The following NFATC2 variants were observed in gnomAD, a reference collection of about 807,000 sequenced individuals.
NFATC2 encodes the protein nuclear factor of activated T cells 2.
In NFATC2, 22 loss-of-function variants were observed where a neutral mutation model predicts 87.3. That is an observed-to-expected ratio of 0.25 (90% CI 0.18 to 0.36). The LOEUF (loss-of-function observed/expected upper bound fraction) is 0.36. Ranked by LOEUF, NFATC2 falls within the 10% of genes least tolerant of loss-of-function variation. The pLI is 1.00. For missense variants in NFATC2, 1,149 were observed against 1,259.1 expected, an observed-to-expected ratio of 0.91 and a Z score of 1.32; for synonymous variants, 565 against 542.2, an observed-to-expected ratio of 1.04 and a Z score of -0.58.
At chr20:51,466,037 C>A (rs1987649446) in intron 5 of NFATC2, among the ~76,000 whole-genome samples, 2 of 152,222 alleles carry the variant, frequency 1.3e-5, no homozygotes, top group South Asian at 4.2e-4. Context: ...AGTCAACATG[C>A]CATTCAGGCC....
intron 5 of NFATC2, among the ~76,000 whole-genome samples, chr20:51,456,851 T>A (rs1986588330): frequency 6.6e-6 from 1 of 152,190 alleles, no homozygotes; most frequent in Non-Finnish European, 1.5e-5. Flanking sequence ...CTGGGGCCAC[T>A]CAATGGAGCA....
At chr20:51,407,613 T>TTGCTCATGCTGCACTCC (rs1978533854) in intron 9 of NFATC2, among the ~76,000 whole-genome samples, 1 of 152,186 alleles carries the variant, frequency 6.6e-6, no homozygotes, top group Non-Finnish European at 1.5e-5. Flanking sequence ...CTCTGAGCTC[T>TTGCTCATGCTGCACTCC]TGCTCATGCT....
At position 51,398,682 on chromosome 20, in the gene NFATC2, CTGTTTCATAA is replaced by C; in HGVS notation, c.2761_*4del. ...TCTCGGATCAAAGATCACAGTCATT[CTGTTTCATAA>C]TATGTTTTGTATCCAGCTAAGGTGT... On this transcript the variant is annotated stop_retained_variant and 3_prime_UTR_variant, in exon 10 of 11. Transcript: ENST00000371564. 1 of 1,612,612 alleles carries C rather than the reference CTGTTTCATAA, an allele frequency of 6.2e-7. No homozygotes were observed.
chr20:51,391,530 T>C (rs576163327), intron 10 of NFATC2, 79 bp from the exon 11 acceptor site: 2 of 1,415,678 alleles, frequency 1.4e-6, no homozygotes, highest in East Asian at 2.3e-5. Context: ...CAGGTTCACT[T>C]TCTAGAACCT....
At chr20:51,418,481 T>C (rs776977861) in intron 9 of NFATC2, among the ~76,000 whole-genome samples, 7 of 152,134 alleles carry the variant, frequency 4.6e-5, no homozygotes, top group Non-Finnish European at 7.3e-5. Context: ...GCCCGAAATG[T>C]CAGTAGTGCT....
chr20:51,526,983 C>A (rs2076555492), intron 1 of NFATC2, among the ~76,000 whole-genome samples: 1 of 152,132 alleles, frequency 6.6e-6, no homozygotes, highest in Non-Finnish European at 1.5e-5. Flanking sequence ...ACTGCAGCCT[C>A]CACCTCCCAG....
intron 5 of NFATC2, among the ~76,000 whole-genome samples, chr20:51,469,429 C>T (rs1055393919): frequency 6.6e-6 from 1 of 152,018 alleles, no homozygotes; most frequent in Admixed American, 6.6e-5. Context: ...GAGAAAGATC[C>T]CAATGCATTT....
chr20:51,540,618 G>A (rs2076791535), intron 1 of NFATC2, among the ~76,000 whole-genome samples: 1 of 130,028 alleles, frequency 7.7e-6, no homozygotes, highest in Non-Finnish European at 1.6e-5. Context: ...CAACTTTTCT[G>A]TAAATCTGAA....
At chr20:51,448,187 G>A (rs1226574999) in intron 6 of NFATC2, among the ~76,000 whole-genome samples, 5 of 152,164 alleles carry the variant, frequency 3.3e-5, no homozygotes, top group South Asian at 2.1e-4. Context: ...TTTCAACAGC[G>A]CTAAGTGCCC....
At chr20:51,492,146 G>A (rs935827213) in intron 3 of NFATC2, among the ~76,000 whole-genome samples, 4 of 151,780 alleles carry the variant, frequency 2.6e-5, no homozygotes, top group African/African-American at 4.8e-5. Context: ...GAGCCTTCTC[G>A]CCCCAGCAGG....
intron 9 of NFATC2, 137 bp downstream of exon 9, chr20:51,431,930 T>G: frequency 1.1e-6 from 1 of 928,036 alleles, no homozygotes; most frequent in Non-Finnish European, 1.5e-6. Flanking sequence ...GTCATATTAT[T>G]CAACCTCCTT....
chr20:51,421,733 G>A (rs561912785), intron 9 of NFATC2, among the ~76,000 whole-genome samples: 6 of 152,174 alleles, frequency 3.9e-5, no homozygotes, highest in South Asian at 2.1e-4. Context: ...TGCAATCCCC[G>A]GTTTTTCAAC....
Position 51,388,239 on chromosome 20 carries a change from A to G in NFATC2, c.*3257T>C, listed in dbSNP as rs1232681781. 2 of 152,216 alleles carry G rather than the reference A, an allele frequency of 1.3e-5. No homozygotes were observed. The highest frequency in any genetic ancestry group is 2.9e-5 in the Non-Finnish European group (2 of 68,040). 9.4% of individuals were successfully genotyped at this position (152,216 alleles called of 1,614,324 possible). A position where few individuals can be genotyped will look rare whatever the true frequency, so the allele number is the denominator to read the frequency against. On this transcript the variant is annotated 3_prime_UTR_variant, in exon 11 of 11. Transcript: ENST00000371564. Reference sequence around the variant, plus strand: ...AGGGTTTTGGTGTCAATTTTTTAAAATCAAAATCACCTACTAAATTAGTTA... The same window carrying G: ...AGGGTTTTGGTGTCAATTTTTTAAAGTCAAAATCACCTACTAAATTAGTTA...
At position 51,508,409 on chromosome 20, in the gene NFATC2, C is replaced by T. The variant is rs1012177995; in HGVS notation, c.1332+8375G>A. ...ATCCCTCAGCCGGGGACACGTGCGG[C>T]GGGGCAGAGAGCAGTGCCACAACTG... On this transcript the variant is annotated intron_variant, in intron 3 of 10. Transcript: ENST00000371564. Among the ~76,000 whole-genome samples, 5 of 152,276 alleles carry T rather than the reference C, an allele frequency of 3.3e-5. No homozygotes were observed. In the East Asian group the frequency reaches 5.8e-4, roughly 18 times the overall value.
chr20:51,508,380 G>A lies in NFATC2; in HGVS notation c.1332+8404C>T, dbSNP rs568657543. On this transcript the variant is annotated intron_variant, in intron 3 of 10. Transcript: ENST00000371564. ...TCACAAGTCCATCCTCGACCACTGC[G>A]GGCATCCCTCAGCCGGGGACACGTG... 5.9e-5 allele frequency among the ~76,000 whole-genome samples: 9 copies of A among 152,254 alleles called. No individual in the cohort carries two copies. The South Asian group carries it at 6.2e-4, about 11-fold the overall frequency.
chr20:51,418,077 G>C (rs938779030), intron 9 of NFATC2, among the ~76,000 whole-genome samples: 3 of 152,178 alleles, frequency 2.0e-5, no homozygotes, highest in African/African-American at 7.2e-5. Context: ...TGACCCTGGG[G>C]CCCCTGTCCT....
At chr20:51,429,959 C>T (rs1982446397) in intron 9 of NFATC2, among the ~76,000 whole-genome samples, 1 of 152,036 alleles carries the variant, frequency 6.6e-6, no homozygotes, top group Non-Finnish European at 1.5e-5. Flanking sequence ...TGAGAAAGGG[C>T]CTCAGGAGGC....
intron 1 of NFATC2, among the ~76,000 whole-genome samples, chr20:51,536,746 A>T (rs2076726667): frequency 1.3e-5 from 2 of 152,084 alleles, no homozygotes; most frequent in Non-Finnish European, 2.9e-5. Flanking sequence ...CCCTCATTTC[A>T]CCTTTCCAGC....
chr20:51,516,718 G>A, intron 3 of NFATC2, 66 bp downstream of exon 3: 3 of 1,504,372 alleles, frequency 2.0e-6, no homozygotes, highest in Non-Finnish European at 2.7e-6. Flanking sequence ...CAAACAGTGG[G>A]TCAGCAGAAG....
Sources: gnomAD v4.1 joint callset for allele counts (sites outside exome capture counted in the v4.1 genomes callset) on GRCh38, gnomAD v4.1.1 for gene constraint, MANE v1.5 for transcripts, NCBI Gene and HGNC (gene_info 2026-07-23, HGNC 2026-07-21) for gene names.